Variants in FRMD4A observed in about 807,000 individuals in gnomAD.
FRMD4A encodes the protein FERM domain containing 4A.
A neutral mutation model predicts 129.1 loss-of-function variants in FRMD4A; 29 were observed. That is an observed-to-expected ratio of 0.22 (90% CI 0.17 to 0.31). FRMD4A has a LOEUF of 0.31. FRMD4A is among the 10% of genes least tolerant of loss of function. The probability of loss-of-function intolerance (pLI) is 1.00; values close to 1 mark genes in which losing one functional copy is unlikely to be tolerated. For synonymous variants in FRMD4A, 634 were observed against 571.6 expected, an observed-to-expected ratio of 1.11 and a Z score of -1.56; for missense variants, 1,272 against 1,375.8, an observed-to-expected ratio of 0.92 and a Z score of 1.19.
At chr10:13,819,981 C>T (rs909341483) in intron 3 of FRMD4A, among the ~76,000 whole-genome samples, 1 of 152,160 alleles carries the variant, frequency 6.6e-6, no homozygotes, top group African/African-American at 2.4e-5. Context: ...GCCTTGGCCT[C>T]CCAAGGTCCT....
intron 2 of FRMD4A, among the ~76,000 whole-genome samples, chr10:14,088,448 G>GAA (rs113913799): frequency 5.9e-5 from 6 of 101,002 alleles, no homozygotes; most frequent in Admixed American, 2.1e-4. Flanking sequence ...CTTCCTAAAA[G>GAA]AAAAAAAAAA....
chr10:13,844,216 C>G lies in FRMD4A; in HGVS notation c.111+14631G>C, dbSNP rs568858852. On this transcript the variant is annotated intron_variant, in intron 3 of 24. Transcript: ENST00000357447. Reference sequence around the variant, plus strand: ...GTGTGCGGTTGACAGACCCACCAAACTTAACATTGAAGGCTTTAGACATCA... The same window carrying G: ...GTGTGCGGTTGACAGACCCACCAAAGTTAACATTGAAGGCTTTAGACATCA... Among the ~76,000 whole-genome samples the G allele has an allele frequency of 3.9e-5, 6 of 152,112 alleles. No individual in the cohort carries two copies. The South Asian group carries it at 1.2e-3, about 32-fold the overall frequency.
chr10:13,772,560 C>T lies in FRMD4A; in HGVS notation c.385-9880G>A, dbSNP rs531322895. Among the ~76,000 whole-genome samples the T allele has an allele frequency of 4.6e-5, 7 of 152,276 alleles. No individual in the cohort carries two copies. The South Asian group carries it at 8.3e-4, about 18-fold the overall frequency. On this transcript the variant is annotated intron_variant, in intron 6 of 24. Transcript: ENST00000357447. Reference sequence around the variant, plus strand: ...AGACTTTAGGCCAGTTTCAGCAGTTCGCAGAGGCTGCACACAAACCATCTT... The same window carrying T: ...AGACTTTAGGCCAGTTTCAGCAGTTTGCAGAGGCTGCACACAAACCATCTT...
At chr10:14,046,670 G>A (rs1349530872) in intron 2 of FRMD4A, among the ~76,000 whole-genome samples, 1 of 152,158 alleles carries the variant, frequency 6.6e-6, no homozygotes, top group Non-Finnish European at 1.5e-5. Context: ...AATCATTTCT[G>A]TTTGTTCAGA....
chr10:14,031,158 G>A (rs1315110307), intron 2 of FRMD4A, among the ~76,000 whole-genome samples: 1 of 152,184 alleles, frequency 6.6e-6, no homozygotes, highest in Non-Finnish European at 1.5e-5. Context: ...TGCCAGGAAT[G>A]ATCGCCTGGG....
intron 22 of FRMD4A, 24 bp downstream of exon 22, chr10:13,656,612 G>A (rs370587290): frequency 2.8e-5 from 39 of 1,377,270 alleles, no homozygotes; most frequent in Non-Finnish European, 3.6e-5. Context: ...GTCTTCCCGC[G>A]TGCACCTGGC....
At chr10:13,987,019 G>A (rs1032184674) in intron 2 of FRMD4A, among the ~76,000 whole-genome samples, 8 of 152,086 alleles carry the variant, frequency 5.3e-5, no homozygotes, top group Non-Finnish European at 1.0e-4. Context: ...TGATGTTCTG[G>A]CTATGTGACT....
At chr10:13,969,808 C>T (rs986066737) in intron 2 of FRMD4A, among the ~76,000 whole-genome samples, 8 of 152,216 alleles carry the variant, frequency 5.3e-5, no homozygotes, top group African/African-American at 1.9e-4. Context: ...GATTGCACCA[C>T]TGCACTGCAG....
At chr10:13,902,318 G>A (rs527519714) in intron 2 of FRMD4A, among the ~76,000 whole-genome samples, 1 of 152,134 alleles carries the variant, frequency 6.6e-6, no homozygotes, top group Non-Finnish European at 1.5e-5. Flanking sequence ...GCCAGCCTAG[G>A]CTTATTTGTT....
chr10:14,169,677 A>T (rs1370446709), intron 2 of FRMD4A, among the ~76,000 whole-genome samples: 1 of 152,176 alleles, frequency 6.6e-6, no homozygotes, highest in Non-Finnish European at 1.5e-5. Context: ...GCCCCTTCAG[A>T]TTAGAAACTG....
At chr10:14,145,612 T>C (rs192984155) in intron 2 of FRMD4A, among the ~76,000 whole-genome samples, 36 of 152,330 alleles carry the variant, frequency 2.4e-4, no homozygotes, top group African/African-American at 8.4e-4. Flanking sequence ...GTATAACTAG[T>C]TTAGTAATAC....
intron 2 of FRMD4A, among the ~76,000 whole-genome samples, chr10:13,957,097 A>G (rs1398206829): frequency 1.3e-5 from 2 of 152,236 alleles, no homozygotes; most frequent in Non-Finnish European, 2.9e-5. Context: ...CAGTTTATGA[A>G]GAACAAGATC....
intron 2 of FRMD4A, among the ~76,000 whole-genome samples, chr10:14,241,817 A>C (rs1298795474): frequency 6.6e-6 from 1 of 151,588 alleles, no homozygotes; most frequent in Non-Finnish European, 1.5e-5. Context: ...TTTGTTGTCC[A>C]TCTGCCCTAC....
chr10:14,069,228 T>C (rs1239902210), intron 2 of FRMD4A, among the ~76,000 whole-genome samples: 1 of 152,214 alleles, frequency 6.6e-6, no homozygotes, highest in East Asian at 1.9e-4. Flanking sequence ...CTAATTCATA[T>C]GGTGATAGAC....
In FRMD4A at chr10:13,654,402, G is replaced by A; in HGVS notation, c.3050+14C>T. On this transcript the variant is annotated intron_variant, in intron 23 of 24. Coordinates refer to ENST00000357447, the MANE Select transcript of FRMD4A (RefSeq NM_018027.5). ...TCGAGCTGACACAGTGAAGAACATA[G>A]AAGGAGAACTCACCCAGTCTGCCAG... 1.3e-6 allele frequency: 2 copies of A among 1,535,930 alleles called. No individual in the cohort carries two copies. Among genetic ancestry groups the A allele is most frequent in the Non-Finnish European group, 1.8e-6 (2 of 1,108,300 alleles).
At chr10:13,879,950 T>C (rs2094529348) in intron 2 of FRMD4A, among the ~76,000 whole-genome samples, 1 of 151,982 alleles carries the variant, frequency 6.6e-6, no homozygotes, top group Non-Finnish European at 1.5e-5. Flanking sequence ...TTGGCTGTTT[T>C]TCATACATTA....
chr10:13,744,038 T>A (rs1038784968), intron 9 of FRMD4A, among the ~76,000 whole-genome samples: 1 of 151,594 alleles, frequency 6.6e-6, no homozygotes, highest in African/African-American at 2.4e-5. Flanking sequence ...GCTGGCTGGG[T>A]CATGTTGTTA....
intron 3 of FRMD4A, among the ~76,000 whole-genome samples, chr10:13,814,613 A>G (rs1398906351): frequency 1.4e-5 from 2 of 145,312 alleles, no homozygotes; most frequent in African/African-American, 5.1e-5. Flanking sequence ...AAAAAGAAAG[A>G]AAGGGAAAGA....
chr10:14,169,481 A>G (rs1408487350), intron 2 of FRMD4A, among the ~76,000 whole-genome samples: 2 of 152,196 alleles, frequency 1.3e-5, no homozygotes. Context: ...TGGGGGTAAC[A>G]TAACATTATG....
Sources: allele counts gnomAD v4.1 joint callset (sites outside exome capture counted in the v4.1 genomes callset), GRCh38; gene constraint gnomAD v4.1.1; transcripts MANE v1.5; gene names NCBI Gene and HGNC (gene_info 2026-07-23, HGNC 2026-07-21).